Variants in U2AF2 observed in about 807,000 individuals in gnomAD.
U2AF2 encodes the protein splicing factor U2AF 65 kDa subunit.
U2AF2 carries 6 observed loss-of-function variants against 52.6 expected under a neutral mutation model. The observed-to-expected ratio is 0.11, with a 90% confidence interval of 0.06 to 0.23. The LOEUF (loss-of-function observed/expected upper bound fraction) is 0.23. Ranked by LOEUF, U2AF2 falls within the 10% of genes least tolerant of loss-of-function variation. The pLI, the probability that U2AF2 is intolerant of heterozygous loss-of-function variation, is 1.00. For synonymous variants in U2AF2, 284 were observed against 258.2 expected (o/e 1.10, Z -0.96); for missense variants, 222 against 677.1 (o/e 0.33, Z 7.46).
chr19:55,655,755 T>C (rs1983752711), intron 1 of U2AF2, among the ~76,000 whole-genome samples: 1 of 152,252 alleles, frequency 6.6e-6, no homozygotes, highest in Non-Finnish European at 1.5e-5. Flanking sequence ...CCAGGTGGTT[T>C]CTGCCCCGTC....
rs919361167 is a variant in U2AF2, at chr19:55,668,884, C to T, written c.945+92C>T. 24 of 1,544,132 alleles carry T rather than the reference C, an allele frequency of 1.6e-5. No homozygotes were observed. The highest frequency in any genetic ancestry group is 3.7e-5 in the South Asian group (3 of 82,172). ...GGTCTCCCCTCCTCAGGGGACGGGG[C>T]GGGAGGCGGCCAACCTGAGGCAGTG... On this transcript the variant is annotated intron_variant, in intron 9 of 11. Coordinates refer to ENST00000308924, the MANE Select transcript of U2AF2 (RefSeq NM_007279.3). This position sits in a 1 kb window ranked among gnomAD's most constrained non-coding sequence, Gnocchi z 5.5.
chr19:55,662,546 G>A lies in U2AF2; in HGVS notation c.531G>A (p.Gly177=), dbSNP rs755659819. ...DFFNAQMRLG[G]LTQAPGNPVL... ...TCAACGCCCAGATGCGCCTGGGGGG[G>A]CTGACCCAGGCCCCTGGCAACCCAG... The change falls in exon 6 of 12, where the codon GGG becomes GGA. Residue 177 remains glycine, a synonymous_variant. Transcript: ENST00000308924. The A allele has an allele frequency of 7.7e-5, 124 of 1,612,932 alleles. No homozygotes were observed. Among genetic ancestry groups the A allele is most frequent in the Admixed American group, 2.3e-4 (14 of 59,932 alleles).
Position 55,674,491 on chromosome 19 carries a change from C to T in U2AF2, c.*423C>T, listed in dbSNP as rs1342221727. On this transcript the variant is annotated 3_prime_UTR_variant, in exon 12 of 12. Transcript: ENST00000308924. ...AACTATTTTGAATTTTGTTGTCCGG[C>T]CCTCAGTGCCCTGCCCTCTCCCTTA... 1.2e-5 allele frequency: 2 copies of T among 166,176 alleles called. No individual in the cohort carries two copies. The highest frequency in any genetic ancestry group is 3.7e-4 in the East Asian group (2 of 5,470). The allele number at this position is 166,176 out of a possible 1,614,324, so 10.3% of individuals were successfully genotyped here. A position where few individuals can be genotyped will look rare whatever the true frequency, so the allele number is the denominator to read the frequency against.
intron 2 of U2AF2, among the ~76,000 whole-genome samples, chr19:55,659,649 C>T (rs1165841851): frequency 2.6e-5 from 4 of 151,722 alleles, no homozygotes; most frequent in East Asian, 3.9e-4. Context: ...GGGTTGTTCT[C>T]TGTCTCTGAC....
intron 11 of U2AF2, 142 bp downstream of exon 11, chr19:55,669,834 C>A: frequency 2.3e-6 from 3 of 1,312,788 alleles, no homozygotes; most frequent in Non-Finnish European, 3.0e-6. Context: ...CCTCTCGCAG[C>A]GCGTGCGTAT....
At chr19:55,655,181 G>A in intron 1 of U2AF2, 28 bp downstream of exon 1, 1 of 1,595,278 alleles carries the variant, frequency 6.3e-7, no homozygotes. Flanking sequence ...GCGGGGCGGA[G>A]GTGTGGGCGG....
chr19:55,665,266 T>C (rs968393048), intron 7 of U2AF2, among the ~76,000 whole-genome samples: 2 of 152,130 alleles, frequency 1.3e-5, no homozygotes, highest in Admixed American at 1.3e-4. Flanking sequence ...GTGCCCTCCA[T>C]GCACGGCAGT....
At chr19:55,669,756 T>C (rs1984767509) in intron 11 of U2AF2, 64 bp downstream of exon 11, 2 of 1,500,008 alleles carry the variant, frequency 1.3e-6, no homozygotes, top group South Asian at 2.6e-5. Flanking sequence ...GCGCCCTCTT[T>C]CTTCCTCTCT....
intron 7 of U2AF2, among the ~76,000 whole-genome samples, chr19:55,666,047 C>T (rs1437379612): frequency 2.6e-5 from 4 of 152,188 alleles, no homozygotes; most frequent in African/African-American, 9.7e-5. Flanking sequence ...GGAATAGGAA[C>T]CGTGGGTTAT....
At chr19:55,670,235 T>A (rs1984807397) in intron 11 of U2AF2, among the ~76,000 whole-genome samples, 1 of 152,042 alleles carries the variant, frequency 6.6e-6, no homozygotes, top group South Asian at 2.1e-4. Flanking sequence ...GAGTCTGATT[T>A]CAGACTCTGC....
Position 55,668,462 on chromosome 19 carries a change from A to G in U2AF2, c.743-45A>G. On this transcript the variant is annotated intron_variant, in intron 7 of 11. Coordinates refer to ENST00000308924, the MANE Select transcript of U2AF2 (RefSeq NM_007279.3). The surrounding 1 kb of genome is among the most constrained non-coding windows in gnomAD (Gnocchi z 5.5). Reference sequence around the variant, plus strand: ...CCGTAGACTGTCCAGGTTTTGGGAGATAACCTGGTACTGGAATTGAAGTCC... The same window carrying G: ...CCGTAGACTGTCCAGGTTTTGGGAGGTAACCTGGTACTGGAATTGAAGTCC... 6.6e-7 allele frequency: 1 copy of G among 1,524,966 alleles called. No homozygotes were observed. The highest frequency in any genetic ancestry group is 8.9e-7 in the Non-Finnish European group (1 of 1,128,318). 94.5% of individuals were successfully genotyped at this position (1,524,966 alleles called of 1,614,324 possible). A position where few individuals can be genotyped will look rare whatever the true frequency, so the allele number is the denominator to read the frequency against.
At position 55,662,495 on chromosome 19, in the gene U2AF2, T is replaced by G. The variant is rs1293768245; in HGVS notation, c.487-7T>G. 6.4e-6 allele frequency: 5 copies of G among 781,452 alleles called. No homozygotes were observed. Among genetic ancestry groups the G allele is most frequent in the African/African-American group, 2.3e-5 (1 of 44,152 alleles). 48.4% of individuals were successfully genotyped at this position (781,452 alleles called of 1,614,324 possible). On this transcript the variant is annotated splice_polypyrimidine_tract_variant and splice_region_variant and intron_variant, in intron 5 of 11. Coordinates refer to ENST00000308924, the MANE Select transcript of U2AF2 (RefSeq NM_007279.3). ...GCCCCCCCCCTTGTCTCCTATTCCC[T>G]CTGCAGGAGGCCATGATGGATTTCT...
chr19:55,669,061 A>G (rs975310592), intron 9 of U2AF2, 22 bp from the exon 10 acceptor site: 1 of 1,596,188 alleles, frequency 6.3e-7, no homozygotes, highest in Non-Finnish European at 8.6e-7. Flanking sequence ...GCACCCCCCG[A>G]CCCCTCATCC....
At chr19:55,665,356 A>C (rs890897370) in intron 7 of U2AF2, among the ~76,000 whole-genome samples, 1 of 142,708 alleles carries the variant, frequency 7.0e-6, no homozygotes, top group Non-Finnish European at 1.5e-5. Context: ...GCGCTGTCCT[A>C]AGTGCCCTCC....
In U2AF2 at chr19:55,673,862, G is replaced by A; in HGVS notation, c.1294-72G>A. 2 of 1,547,870 alleles carry A rather than the reference G, an allele frequency of 1.3e-6. 1 individual carries two copies. The highest frequency in any genetic ancestry group is 2.5e-5 in the South Asian group (2 of 80,672). On this transcript the variant is annotated intron_variant, in intron 11 of 11. Transcript: ENST00000308924. ...CCTGTCCCTTCCTGCCTTCAGTGCT[G>A]GGGTTGGGTGGACGCTGACTGGCTG...
chr19:55,659,420 G>T (rs924896613), intron 2 of U2AF2, 75 bp downstream of exon 2: 6 of 1,390,476 alleles, frequency 4.3e-6, no homozygotes, highest in African/African-American at 1.5e-5. Flanking sequence ...TGGGTGGCCT[G>T]TGTGTGTCTG....
chr19:55,665,856 C>T (rs951491665), intron 7 of U2AF2, among the ~76,000 whole-genome samples: 1 of 152,200 alleles, frequency 6.6e-6, no homozygotes, highest in African/African-American at 2.4e-5. Context: ...ACCATGTTGG[C>T]CAGGCTGGTC....
intron 11 of U2AF2, among the ~76,000 whole-genome samples, chr19:55,672,643 G>A (rs1017604363): frequency 6.6e-6 from 1 of 151,054 alleles, no homozygotes; most frequent in Non-Finnish European, 1.5e-5. Flanking sequence ...AAATTGTTTT[G>A]TTTTTTTAAC....
chr19:55,671,054 A>G (rs908914366), intron 11 of U2AF2, among the ~76,000 whole-genome samples: 1 of 152,070 alleles, frequency 6.6e-6, no homozygotes, highest in Non-Finnish European at 1.5e-5. Flanking sequence ...TATGTCATGG[A>G]AGCAGCTCGG....
Sources: gnomAD v4.1 joint callset for allele counts (sites outside exome capture counted in the v4.1 genomes callset) on GRCh38, gnomAD v4.1.1 for gene constraint, Gnocchi (gnomAD v3.1) non-coding constraint, MANE v1.5 for transcripts, NCBI Gene and HGNC (gene_info 2026-07-23, HGNC 2026-07-21) for gene names.